The following THEMIS variants were observed in gnomAD, a reference collection of about 807,000 sequenced individuals.
THEMIS encodes the protein thymocyte selection associated, also known as protein THEMIS.
A neutral mutation model predicts 52.6 loss-of-function variants in THEMIS; 37 were observed. The observed-to-expected ratio is 0.70, with a 90% CI of 0.54 to 0.93. THEMIS has a LOEUF of 0.93. THEMIS is among the 40% of genes least tolerant of loss of function. The pLI is 0.00. For synonymous variants in THEMIS, 292 were observed against 272.7 expected, an observed-to-expected ratio of 1.07 and a Z score of -0.70; for missense variants, 808 against 763.1, an observed-to-expected ratio of 1.06 and a Z score of -0.69.
chr6:127,723,892 T>C (rs1774449866), intron 4 of THEMIS, among the ~76,000 whole-genome samples: 1 of 152,088 alleles, frequency 6.6e-6, no homozygotes, highest in African/African-American at 2.4e-5. Flanking sequence ...CTGGCTAAAA[T>C]AAAACTCCCT....
At chr6:127,849,279 G>A (rs1779336104) in intron 2 of THEMIS, among the ~76,000 whole-genome samples, 1 of 151,902 alleles carries the variant, frequency 6.6e-6, no homozygotes, top group African/African-American at 2.4e-5. Context: ...CGTTCCATTG[G>A]TCTATATCAC....
chr6:127,749,850 C>A (rs1583230517), intron 4 of THEMIS, among the ~76,000 whole-genome samples: 1 of 151,044 alleles, frequency 6.6e-6, no homozygotes, highest in Non-Finnish European at 1.5e-5. Flanking sequence ...CCATTGACCA[C>A]AAAAACACCA....
intron 4 of THEMIS, among the ~76,000 whole-genome samples, chr6:127,735,329 G>T (rs796553587): frequency 2.6e-5 from 4 of 151,996 alleles, no homozygotes; most frequent in South Asian, 4.1e-4. Flanking sequence ...GTGTGTGTGT[G>T]TGTGTGTCTG....
intron 4 of THEMIS, among the ~76,000 whole-genome samples, chr6:127,810,581 G>A (rs573221476): frequency 6.6e-6 from 1 of 152,242 alleles, no homozygotes; most frequent in East Asian, 1.9e-4. Flanking sequence ...AACCAGAGAT[G>A]GAGCCTGCTG....
intron 1 of THEMIS, among the ~76,000 whole-genome samples, chr6:127,864,930 A>G (rs190012671): frequency 3.1e-4 from 47 of 152,310 alleles, no homozygotes; most frequent in Admixed American, 7.2e-4. Context: ...GCAGAGCCCA[A>G]GAGAAATCAG....
intron 1 of THEMIS, among the ~76,000 whole-genome samples, chr6:127,908,757 AT>A (rs1409494535): frequency 6.6e-6 from 1 of 152,074 alleles, no homozygotes; most frequent in Non-Finnish European, 1.5e-5. Flanking sequence ...CTTAACTGCA[AT>A]ATGTCTGTAG....
upstream of THEMIS, among the ~76,000 whole-genome samples, chr6:127,905,040 G>A (rs902266157): frequency 6.6e-6 from 1 of 151,962 alleles, no homozygotes; most frequent in African/African-American, 2.4e-5. Context: ...TGTAAACTGA[G>A]TCCCAACGTG....
intron 2 of THEMIS, among the ~76,000 whole-genome samples, chr6:127,839,659 T>A (rs1305182026): frequency 1.3e-5 from 2 of 152,108 alleles, no homozygotes; most frequent in African/African-American, 4.8e-5. Context: ...TGAGCCACTA[T>A]GCCCAGCCAA....
intron 4 of THEMIS, 60 bp downstream of exon 4, chr6:127,812,823 T>C (rs1396827166): frequency 4.7e-6 from 7 of 1,485,952 alleles, no homozygotes; most frequent in Admixed American, 4.5e-5. Context: ...AGAAAAGACT[T>C]GAAACAAATT....
At chr6:127,910,891 C>T (rs1781395487) in intron 1 of THEMIS, among the ~76,000 whole-genome samples, 1 of 152,024 alleles carries the variant, frequency 6.6e-6, no homozygotes, top group African/African-American at 2.4e-5. Flanking sequence ...TGCCTTTGGC[C>T]ATTATGTCTC....
At chr6:127,762,300 A>G (rs1022052887) in intron 4 of THEMIS, among the ~76,000 whole-genome samples, 2 of 152,102 alleles carry the variant, frequency 1.3e-5, no homozygotes, top group African/African-American at 4.8e-5. Flanking sequence ...AGGAAGATGA[A>G]TAAGCTCTAA....
At chr6:127,792,654 A>G (rs1328853384) in intron 4 of THEMIS, among the ~76,000 whole-genome samples, 2 of 152,192 alleles carry the variant, frequency 1.3e-5, no homozygotes, top group African/African-American at 4.8e-5. Flanking sequence ...AATCTGAATT[A>G]CTGCCTGCCT....
chr6:127,908,278 T>C (rs572257811), intron 1 of THEMIS, among the ~76,000 whole-genome samples: 7 of 152,246 alleles, frequency 4.6e-5, no homozygotes, highest in African/African-American at 1.4e-4. Flanking sequence ...TTAGAGACAT[T>C]ACATTTTAGC....
chr6:127,828,948 G>A (rs1291897927), intron 3 of THEMIS, among the ~76,000 whole-genome samples: 1 of 152,152 alleles, frequency 6.6e-6, no homozygotes, highest in African/African-American at 2.4e-5. Context: ...ACGCCTATGT[G>A]TGAATTAATT....
intron 3 of THEMIS, among the ~76,000 whole-genome samples, chr6:127,814,374 T>A (rs1473735175): frequency 6.6e-6 from 1 of 152,240 alleles, no homozygotes; most frequent in Non-Finnish European, 1.5e-5. Context: ...TAGGTCATTT[T>A]AAGTCATATT....
At chr6:127,703,342 C>T (rs191969254), downstream of THEMIS, among the ~76,000 whole-genome samples, 60 of 152,182 alleles carry the variant, frequency 3.9e-4, no homozygotes, top group Admixed American at 2.4e-3. Flanking sequence ...ACACCGCGCC[C>T]GGCTAGAATG....
intron 1 of THEMIS, among the ~76,000 whole-genome samples, chr6:127,858,020 G>A (rs1377295224): frequency 1.3e-5 from 2 of 151,972 alleles, no homozygotes; most frequent in Non-Finnish European, 2.9e-5. Flanking sequence ...GAAGTCTGTT[G>A]GGCTTAATTT....
At chr6:127,910,475 T>G (rs1781383677) in intron 1 of THEMIS, among the ~76,000 whole-genome samples, 1 of 152,180 alleles carries the variant, frequency 6.6e-6, no homozygotes, top group Non-Finnish European at 1.5e-5. Flanking sequence ...AATATTTTTA[T>G]CCATTCCCAC....
At chr6:127,880,712 CTT>C (rs888452154) in intron 1 of THEMIS, among the ~76,000 whole-genome samples, 1 of 152,010 alleles carries the variant, frequency 6.6e-6, no homozygotes, top group Non-Finnish European at 1.5e-5. Flanking sequence ...CAAAAAACCT[CTT>C]GAGTCCTATC....
Sources: gnomAD v4.1 joint callset for allele counts (sites outside exome capture counted in the v4.1 genomes callset) on GRCh38, gnomAD v4.1.1 for gene constraint, MANE v1.5 for transcripts, NCBI Gene and HGNC (gene_info 2026-07-23, HGNC 2026-07-21) for gene names.